The following CNNM2 variants were observed in gnomAD, a reference collection of about 807,000 sequenced individuals.
CNNM2 encodes the protein metal transporter CNNM2.
Under a neutral mutation model 66.9 loss-of-function variants are expected in CNNM2, and 12 were observed. That is an observed-to-expected ratio of 0.18 (90% CI 0.11 to 0.29). The LOEUF (loss-of-function observed/expected upper bound fraction) is 0.29. CNNM2 is among the 10% of genes least tolerant of loss of function. CNNM2 has a pLI of 1.00. For synonymous variants in CNNM2, 557 were observed against 501.8 expected (o/e 1.11, Z -1.47); for missense variants, 705 against 1,167.7 (o/e 0.60, Z 5.77).
intron 1 of CNNM2, among the ~76,000 whole-genome samples, chr10:102,941,214 T>C (rs370171318): frequency 6.6e-6 from 1 of 152,186 alleles, no homozygotes. Context: ...CTTACCAGTT[T>C]GTTAAAAACC....
At chr10:103,000,637 G>C (rs2064101331) in intron 1 of CNNM2, among the ~76,000 whole-genome samples, 1 of 152,010 alleles carries the variant, frequency 6.6e-6, no homozygotes, top group South Asian at 2.1e-4. Flanking sequence ...GTAGAGTAAG[G>C]GTTTCACCAT....
At chr10:103,040,807 T>C (rs1386141997) in intron 1 of CNNM2, among the ~76,000 whole-genome samples, 13 of 152,208 alleles carry the variant, frequency 8.5e-5, no homozygotes, top group Non-Finnish European at 4.4e-5. Context: ...TAAACGTCTC[T>C]GGCTTATGTA....
chr10:103,004,227 TC>T (rs2064182133), intron 1 of CNNM2, among the ~76,000 whole-genome samples: 1 of 151,960 alleles, frequency 6.6e-6, no homozygotes, highest in South Asian at 2.1e-4. Flanking sequence ...GGTCTCGAAC[TC>T]CCGACCTCAG....
At chr10:103,002,538 G>A (rs1237557802) in intron 1 of CNNM2, among the ~76,000 whole-genome samples, 1 of 147,606 alleles carries the variant, frequency 6.8e-6, no homozygotes, top group Non-Finnish European at 1.5e-5. Context: ...GGAGTGCAAT[G>A]GCGTGATCTT....
chr10:102,973,627 G>T (rs576628836), intron 1 of CNNM2, among the ~76,000 whole-genome samples: 1 of 152,146 alleles, frequency 6.6e-6, no homozygotes, highest in East Asian at 1.9e-4. Context: ...AGAGTACTGG[G>T]ATTACAGGCA....
At chr10:103,026,817 A>C (rs955137884) in intron 1 of CNNM2, among the ~76,000 whole-genome samples, 1 of 152,146 alleles carries the variant, frequency 6.6e-6, no homozygotes, top group African/African-American at 2.4e-5. Context: ...AGTTAAGAGA[A>C]GAGTCTAACA....
At chr10:102,934,760 C>T (rs1462457405) in intron 1 of CNNM2, among the ~76,000 whole-genome samples, 2 of 152,096 alleles carry the variant, frequency 1.3e-5, no homozygotes, top group African/African-American at 4.8e-5. Flanking sequence ...GGGAGGATCA[C>T]TTGTGCCTGG....
intron 1 of CNNM2, among the ~76,000 whole-genome samples, chr10:102,925,237 G>GGTGAACTGA (rs1489360823): frequency 2.1e-5 from 3 of 145,080 alleles, no homozygotes; most frequent in Non-Finnish European, 4.5e-5. Context: ...CGGAGGCTGT[G>GGTGAACTGA]GTGAACTGAG....
intron 1 of CNNM2, among the ~76,000 whole-genome samples, chr10:102,935,902 A>T (rs1461861822): frequency 1.3e-5 from 2 of 151,152 alleles, no homozygotes; most frequent in African/African-American, 4.9e-5. Flanking sequence ...TACGATATGA[A>T]ATGCCACGCC....
chr10:102,945,855 T>C (rs1190600765), intron 1 of CNNM2, among the ~76,000 whole-genome samples: 1 of 152,122 alleles, frequency 6.6e-6, no homozygotes, highest in Non-Finnish European at 1.5e-5. Context: ...GATGATGAGC[T>C]CCTTGAGGTC....
intron 1 of CNNM2, among the ~76,000 whole-genome samples, chr10:102,973,056 AT>A (rs2134218496): frequency 6.6e-6 from 1 of 152,248 alleles, no homozygotes; most frequent in South Asian, 2.1e-4. Flanking sequence ...ATTTTGTAGT[AT>A]AATGGTTCAT....
chr10:102,972,744 A>G (rs368830557), intron 1 of CNNM2, among the ~76,000 whole-genome samples: 1 of 151,972 alleles, frequency 6.6e-6, no homozygotes, highest in East Asian at 1.9e-4. Context: ...TTTCTTTGAG[A>G]GTGTGAAGGG....
intron 1 of CNNM2, among the ~76,000 whole-genome samples, chr10:102,956,455 C>G (rs1451551622): frequency 6.6e-6 from 1 of 152,170 alleles, no homozygotes; most frequent in Admixed American, 6.5e-5. Context: ...TTTGACCCAG[C>G]AATCCCATTA....
In CNNM2 at chr10:103,082,741, T is replaced by C. The variant is rs1590523238; in HGVS notation, c.*5561T>C. Reference sequence around the variant, plus strand: ...GCCCCTTTAGTTGGGCCCACCTGTATTCCTTATGACCAGTGTTTTGGATGA... The same window carrying C: ...GCCCCTTTAGTTGGGCCCACCTGTACTCCTTATGACCAGTGTTTTGGATGA... On this transcript the variant is annotated 3_prime_UTR_variant, in exon 8 of 8. Transcript: ENST00000369878. The C allele has an allele frequency of 6.6e-6, 1 of 152,172 alleles. No homozygotes were observed. The highest frequency in any genetic ancestry group is 1.9e-4 in the East Asian group (1 of 5,174). The allele number at this position is 152,172 out of a possible 1,614,324, so 9.4% of individuals were successfully genotyped here.
chr10:103,043,389 A>G (rs2065076035), intron 1 of CNNM2, among the ~76,000 whole-genome samples: 3 of 152,316 alleles, frequency 2.0e-5, no homozygotes, highest in Non-Finnish European at 4.4e-5. Flanking sequence ...CTTCATTGAC[A>G]TCAACATTGT....
rs769988026 is a variant in CNNM2, at chr10:103,071,817, G to A, written c.2211G>A (p.Glu737=). The change falls in exon 6 of 8, where the codon GAG becomes GAA. Residue 737 remains glutamate (E), a synonymous_variant. Coordinates refer to ENST00000369878, the MANE Select transcript of CNNM2 (RefSeq NM_017649.5). ...LSRTFVVSRT[E]LLAAGSPGEN... ...GTACCTTTGTTGTCAGCAGAACAGA[G>A]TTGTTAGCAGCAGGTTCTCCAGGTA... The A allele has an allele frequency of 6.2e-7, 1 of 1,613,940 alleles. No individual in the cohort carries two copies. The highest frequency in any genetic ancestry group is 1.7e-5 in the Admixed American group (1 of 60,014).
chr10:103,065,989 T>C (rs1383657161), intron 4 of CNNM2, among the ~76,000 whole-genome samples: 2 of 152,118 alleles, frequency 1.3e-5, no homozygotes, highest in African/African-American at 4.8e-5. Context: ...CTGCTGCCTG[T>C]CCCTCTCCTG....
At chr10:102,983,347 T>A (rs982006040) in intron 1 of CNNM2, among the ~76,000 whole-genome samples, 3 of 147,436 alleles carry the variant, frequency 2.0e-5, no homozygotes, top group African/African-American at 7.4e-5. Flanking sequence ...TTATATATAT[T>A]TTATATATAT....
At chr10:102,956,288 CA>C (rs371126297) in intron 1 of CNNM2, among the ~76,000 whole-genome samples, 185 of 74,024 alleles carry the variant, frequency 2.5e-3, no homozygotes, top group South Asian at 0.015. Context: ...GATTCCATCT[CA>C]AAAAAAAAAA....
Sources: gnomAD v4.1 joint callset for allele counts (sites outside exome capture counted in the v4.1 genomes callset) on GRCh38, gnomAD v4.1.1 for gene constraint, MANE v1.5 for transcripts, NCBI Gene and HGNC (gene_info 2026-07-23, HGNC 2026-07-21) for gene names.